The following SP140 variants were observed in gnomAD, a reference collection of about 807,000 sequenced individuals.
SP140 encodes nuclear body protein SP140.
Under a neutral mutation model 125.0 loss-of-function variants are expected in SP140, and 81 were observed. The observed-to-expected ratio is 0.65, with a 90% CI of 0.54 to 0.78. The LOEUF (loss-of-function observed/expected upper bound fraction) is 0.78. SP140 is among the 30% of genes least tolerant of loss of function. SP140 has a pLI of 0.00. For synonymous variants in SP140, 312 were observed against 354.0 expected, an observed-to-expected ratio of 0.88 and a Z score of 1.33; for missense variants, 858 against 1,037.0, an observed-to-expected ratio of 0.83 and a Z score of 2.37.
intron 22 of SP140, among the ~76,000 whole-genome samples, chr2:230,306,740 C>T (rs1023531597): frequency 2.0e-5 from 3 of 152,288 alleles, no homozygotes; most frequent in East Asian, 1.9e-4. Context: ...TGGGTGCTGA[C>T]GATCATAGGA....
the SP140 span, among the ~76,000 whole-genome samples, chr2:230,194,618 C>G: frequency 6.6e-6 from 1 of 152,182 alleles, no homozygotes. Context: ...TAGACACATG[C>G]ATGCAGGCAT....
chr2:230,200,838 A>T (rs1451404146), upstream of SP140: 1 of 1,374,422 alleles, frequency 7.3e-7, no homozygotes, highest in East Asian at 2.3e-5. Context: ...CTCTGAATTT[A>T]GATTCCTGGT....
chr2:230,246,281 G>A (rs1574982887), intron 7 of SP140, among the ~76,000 whole-genome samples: 1 of 152,308 alleles, frequency 6.6e-6, no homozygotes, highest in East Asian at 1.9e-4. Flanking sequence ...GGGAAAGAGA[G>A]AGAGAAAGAA....
chr2:230,265,537 C>G (rs1022372057), intron 12 of SP140, among the ~76,000 whole-genome samples: 1 of 152,152 alleles, frequency 6.6e-6, no homozygotes, highest in Non-Finnish European at 1.5e-5. Flanking sequence ...AGTTTTACCC[C>G]CTGCTCCTCT....
At chr2:230,203,693 G>A (rs1243186094) in intron 1 of SP140, 4 of 151,854 alleles carry the variant, frequency 2.6e-5, no homozygotes, top group Non-Finnish European at 5.9e-5. Flanking sequence ...ATGAGAGTGT[G>A]GTATGTATAT....
chr2:230,248,321 A>C lies in SP140; in HGVS notation c.892+256A>C, dbSNP rs369780901. On this transcript the variant is annotated intron_variant, in intron 8 of 26. Coordinates refer to ENST00000392045, the MANE Select transcript of SP140 (RefSeq NM_007237.5). ...GCAAAGTAGAAAAGGAAGAGTGGGC[A>C]CCAGTGTCCTGGATGTGTCACTGGG... Among the ~76,000 whole-genome samples, 15 of 152,314 alleles carry C rather than the reference A, an allele frequency of 9.8e-5. No homozygotes were observed. The East Asian group carries it at 1.9e-3, about 20-fold the overall frequency.
chr2:230,207,202 A>G (rs1484336224), intron 1 of SP140, among the ~76,000 whole-genome samples: 1 of 152,168 alleles, frequency 6.6e-6, no homozygotes, highest in East Asian at 1.9e-4. Context: ...ATGTATCTAA[A>G]CAGAAAAATC....
intron 10 of SP140, among the ~76,000 whole-genome samples, chr2:230,251,269 G>A (rs1025185747): frequency 6.6e-6 from 1 of 152,188 alleles, no homozygotes; most frequent in Non-Finnish European, 1.5e-5. Flanking sequence ...AACGGAATGG[G>A]TTTTATTGTT....
At chr2:230,234,513 A>G (rs568761085) in intron 1 of SP140, among the ~76,000 whole-genome samples, 1 of 152,256 alleles carries the variant, frequency 6.6e-6, no homozygotes, top group East Asian at 1.9e-4. Flanking sequence ...TAAGGTATAC[A>G]TTTTTCCATT....
At chr2:230,313,650 AGAATGTGCTTCTGGG>A (rs1484126575), downstream of SP140, among the ~76,000 whole-genome samples, 1 of 152,206 alleles carries the variant, frequency 6.6e-6, no homozygotes, top group African/African-American at 2.4e-5. Context: ...ACTTCATCCC[AGAATGTGCTTCTGGG>A]GAATGCAACC....
rs6729307 is a variant in SP140, at chr2:230,244,866, C to T, written c.572-122C>T. 7,279 of 632,712 alleles carry T rather than the reference C, an allele frequency of 0.012. 374 individuals carry two copies. The African/African-American group carries it at 0.12, about 10-fold the overall frequency. The allele number at this position is 632,712 out of a possible 1,614,324, so 39.2% of individuals were successfully genotyped here. ...GAGCAAGGCTGTGGCGGGGCTCAGG[C>T]GAGGTCCTTGGAGCAATAGTGTTTT... On this transcript the variant is annotated intron_variant, in intron 5 of 26. Coordinates refer to ENST00000392045, the MANE Select transcript of SP140 (RefSeq NM_007237.5).
the SP140 span, among the ~76,000 whole-genome samples, chr2:230,197,443 G>A: frequency 2.8e-4 from 42 of 150,934 alleles, 1 homozygote; most frequent in African/African-American, 1.0e-3. Context: ...CTGGATATTA[G>A]CCCTTTGTCA....
At chr2:230,289,273 A>C (rs2056843052) in intron 18 of SP140, among the ~76,000 whole-genome samples, 1 of 152,214 alleles carries the variant, frequency 6.6e-6, no homozygotes, top group African/African-American at 2.4e-5. Context: ...TCTTTTAAGA[A>C]GTGTCTGTTC....
chr2:230,233,618 C>G (rs2047567988), intron 1 of SP140, among the ~76,000 whole-genome samples: 1 of 152,108 alleles, frequency 6.6e-6, no homozygotes, highest in Non-Finnish European at 1.5e-5. Context: ...ACTTTGAACA[C>G]TTAAAATATG....
At chr2:230,201,676 T>C (rs1219971731), upstream of SP140, among the ~76,000 whole-genome samples, 1 of 152,246 alleles carries the variant, frequency 6.6e-6, no homozygotes, top group Non-Finnish European at 1.5e-5. Context: ...AAAACACTTG[T>C]GTGATTGAGA....
At chr2:230,258,990 T>C (rs1361312515) in intron 12 of SP140, among the ~76,000 whole-genome samples, 1 of 152,248 alleles carries the variant, frequency 6.6e-6, no homozygotes, top group African/African-American at 2.4e-5. Context: ...TGCAATTGCT[T>C]TGAGGCAACT....
Position 230,292,690 on chromosome 2 carries a change from A to G in SP140, c.1870A>G (p.Thr624Ala). The change falls in exon 20 of 27, where the codon ACC becomes GCC. Residue 624 changes from threonine to alanine, a missense_variant. Physicochemically the swap from Thr to Ala is moderately conservative, Grantham distance 58. Transcript: ENST00000392045. Reference sequence around the variant, plus strand: ...ACAGACTGAGGATGGAAAATGGTTCACCCCCACGGAATTTGAAATCAAAGG... The same window carrying G: ...ACAGACTGAGGATGGAAAATGGTTCGCCCCCACGGAATTTGAAATCAAAGG... ...CIQTEDGKWF[T>A]PTEFEIKGGH... The G allele has an allele frequency of 6.2e-7, 1 of 1,614,004 alleles. No individual in the cohort carries two copies. The highest frequency in any genetic ancestry group is 8.5e-7 in the Non-Finnish European group (1 of 1,179,990).
intron 12 of SP140, among the ~76,000 whole-genome samples, chr2:230,261,955 A>T (rs1559283994): frequency 1.3e-5 from 2 of 152,152 alleles, no homozygotes; most frequent in Admixed American, 6.5e-5. Context: ...TATTAGGGTG[A>T]TGCTGGCTTC....
At chr2:230,249,809 A>G (rs1291015415) in intron 9 of SP140, among the ~76,000 whole-genome samples, 1 of 152,208 alleles carries the variant, frequency 6.6e-6, no homozygotes, top group Non-Finnish European at 1.5e-5. Context: ...GTCACTAGAT[A>G]GAAGCAGCTC....
Sources: gnomAD v4.1 joint callset for allele counts (sites outside exome capture counted in the v4.1 genomes callset) on GRCh38, gnomAD v4.1.1 for gene constraint, MANE v1.5 for transcripts, NCBI Gene and HGNC (gene_info 2026-07-23, HGNC 2026-07-21) for gene names.